PFKL: variants seen among roughly 807,000 people sequenced by gnomAD.
PFKL encodes ATP-dependent 6-phosphofructokinase, liver type.
Under a neutral mutation model 92.1 loss-of-function variants are expected in PFKL, and 74 were observed. The observed-to-expected ratio is 0.80, with a 90% CI of 0.67 to 0.97. PFKL has a LOEUF of 0.97. PFKL is among the 50% of genes least tolerant of loss of function. PFKL has a pLI of 0.00. For synonymous variants in PFKL, 494 were observed against 456.4 expected (o/e 1.08, Z -1.05); for missense variants, 1,028 against 1,116.6 (o/e 0.92, Z 1.13).
intron 12 of PFKL, 80 bp downstream of exon 12, chr21:44,320,227 G>GGCCT: frequency 7.7e-7 from 1 of 1,298,680 alleles, no homozygotes; most frequent in Non-Finnish European, 1.1e-6. Flanking sequence ...CCCGTGGCTG[G>GGCCT]GCCTGCCTGC....
rs376635305 is a variant in PFKL, at chr21:44,318,485, A to C, written c.952A>C (p.Met318Leu). The change falls in exon 10 of 22, where the codon ATG (methionine) becomes CTG (leucine). Residue 318 changes from methionine to leucine, a missense_variant. Coordinates refer to ENST00000349048, the MANE Select transcript of PFKL (RefSeq NM_002626.6). ...TTCCCCACAGAGCAGCAAGATGGGCATGGAGGCGGTGATGGCGCTGCTGGA... is the reference window on the plus strand; with the variant it reads ...TTCCCCACAGAGCAGCAAGATGGGCCTGGAGGCGGTGATGGCGCTGCTGGA... Reference protein sequence around the residue: ...FDRILSSKMGMEAVMALLEAT... With the variant: ...FDRILSSKMGLEAVMALLEAT... The C allele has an allele frequency of 1.2e-5, 19 of 1,561,380 alleles. No individual in the cohort carries two copies. In the African/African-American group the frequency reaches 1.8e-4, roughly 15 times the overall value.
At chr21:44,321,913 C>G in intron 13 of PFKL, 38 bp downstream of exon 13, 12 of 1,513,274 alleles carry the variant, frequency 7.9e-6, no homozygotes, top group Non-Finnish European at 1.1e-5. Flanking sequence ...GGACTTGGGC[C>G]TTCTGTGTGC....
chr21:44,305,553 A>G, intron 1 of PFKL: 1 of 867,070 alleles, frequency 1.2e-6, no homozygotes, highest in South Asian at 1.6e-5. Flanking sequence ...GGAGGCAGGA[A>G]GAGCAGGGCT....
At chr21:44,325,104 G>A (rs1476222978) in intron 18 of PFKL, 49 bp from the exon 19 acceptor site, 4 of 1,376,090 alleles carry the variant, frequency 2.9e-6, no homozygotes, top group Non-Finnish European at 4.1e-6. Context: ...AGGATCGGGG[G>A]GAGACCTGAA....
At chr21:44,324,777 T>A in intron 17 of PFKL, 79 bp from the exon 18 acceptor site, 3 of 1,581,916 alleles carry the variant, frequency 1.9e-6, no homozygotes, top group Non-Finnish European at 2.6e-6. Context: ...CCAGTGCTCC[T>A]GCTGGCCCCG....
intron 18 of PFKL, 102 bp from the exon 19 acceptor site, chr21:44,325,051 G>T (rs2047463046): frequency 1.7e-6 from 2 of 1,189,392 alleles, no homozygotes; most frequent in South Asian, 1.3e-5. Flanking sequence ...GGCTTTCCTG[G>T]GAGCTGCCAC....
intron 7 of PFKL, chr21:44,315,895 C>T (rs1262723957): frequency 1.1e-5 from 4 of 348,300 alleles, no homozygotes; most frequent in East Asian, 7.2e-5. Flanking sequence ...AGCTGCAGCC[C>T]TGTGCGTCTT....
At chr21:44,324,406 AG>A (rs779736306) in intron 16 of PFKL, 84 bp from the exon 17 acceptor site, 1 of 1,417,172 alleles carries the variant, frequency 7.1e-7, no homozygotes, top group Non-Finnish European at 9.8e-7. Flanking sequence ...TTGGAGACAC[AG>A]GGCTCCCTGC....
At chr21:44,306,836 A>G (rs1225786229) in intron 2 of PFKL, 82 bp downstream of exon 2, 12 of 1,250,070 alleles carry the variant, frequency 9.6e-6, no homozygotes, top group Non-Finnish European at 1.4e-5. Context: ...TGTGGGTCAC[A>G]CTGGGAGACG....
chr21:44,305,444 C>T (rs2040906361), intron 1 of PFKL: 1 of 1,317,914 alleles, frequency 7.6e-7, no homozygotes, highest in Middle Eastern at 2.2e-4. Flanking sequence ...TCTGCAAGTA[C>T]AGGGGGGTGG....
At chr21:44,322,882 A>G (rs1568968515) in intron 14 of PFKL, 80 bp from the exon 15 acceptor site, 1 of 1,018,306 alleles carries the variant, frequency 9.8e-7, no homozygotes, top group Non-Finnish European at 1.5e-6. Flanking sequence ...GGCCAAGGCA[A>G]TGCCTTTCTG....
At chr21:44,321,533 G>T in intron 12 of PFKL, 196 bp from the exon 13 acceptor site, 1 of 488,434 alleles carries the variant, frequency 2.0e-6, no homozygotes, top group Non-Finnish European at 3.5e-6. Flanking sequence ...TGTCTCTTTT[G>T]GTCTTCACCA....
intron 1 of PFKL, chr21:44,305,696 G>A (rs566815528): frequency 8.5e-7 from 1 of 1,172,014 alleles, no homozygotes; most frequent in Non-Finnish European, 1.1e-6. Flanking sequence ...TTTGTATGAA[G>A]TCATGGATAT....
In PFKL at chr21:44,326,253, C is replaced by T. The variant is rs2146034998; in HGVS notation, c.2184C>T (p.Asp728=). The T allele has an allele frequency of 6.2e-7, 1 of 1,610,202 alleles. No homozygotes were observed. Among genetic ancestry groups the T allele is most frequent in the Non-Finnish European group, 8.5e-7 (1 of 1,177,608 alleles). ...AFSPVTELKK[D]TDFEHRMPRE... The stretch of plus-strand genomic sequence containing the variant: ...GCCCCGTCACTGAGCTCAAGAAAGA[C>T]ACTGATTTCGAGTGAGTTCCACCAA... Residue 728 remains aspartate (D), a synonymous_variant, in exon 21 of 22, where the codon GAC becomes GAT. Transcript: ENST00000349048.
At chr21:44,323,648 G>A in intron 15 of PFKL, 118 bp from the exon 16 acceptor site, 2 of 1,131,974 alleles carry the variant, frequency 1.8e-6, no homozygotes, top group South Asian at 1.5e-5. Context: ...CTGGCGTCCA[G>A]CACGGGGCAC....
In PFKL at chr21:44,312,983, A is replaced by G. The variant is rs201211092; in HGVS notation, c.433A>G (p.Ile145Val). The G allele has an allele frequency of 2.9e-5, 47 of 1,612,626 alleles. No individual in the cohort carries two copies. Among genetic ancestry groups the G allele is most frequent in the Non-Finnish European group, 4.0e-5 (47 of 1,179,808 alleles). The change falls in exon 5 of 22, where the codon ATC becomes GTC. Residue 145 changes from isoleucine to valine, a missense_variant. Physicochemically the swap from Ile to Val is conservative, Grantham distance 29 (BLOSUM62 3). Coordinates refer to ENST00000349048, the MANE Select transcript of PFKL (RefSeq NM_002626.6). ...LLEELVAEGK[I>V]SETTARTYSH... Reference sequence around the variant, plus strand: ...TCCTGCTGCTCCTGGCCCAGGTAAGATCTCAGAGACTACAGCCCGGACCTA... The same window carrying G: ...TCCTGCTGCTCCTGGCCCAGGTAAGGTCTCAGAGACTACAGCCCGGACCTA...
Position 44,321,767 on chromosome 21 carries a change from G to A in PFKL, c.1230G>A (p.Pro410=), listed in dbSNP as rs377612487. ...FSLAILNVGA[P]AAGMNAAVRS... is the part of the protein sequence containing the mutation. ...TGGCCATCCTGAATGTGGGGGCCCCGGCGGCTGGCATGAATGCGGCCGTGC... is the reference window on the plus strand; with the variant it reads ...TGGCCATCCTGAATGTGGGGGCCCCAGCGGCTGGCATGAATGCGGCCGTGC... The change falls in exon 13 of 22, where the codon CCG becomes CCA. Residue 410 remains proline, a synonymous_variant. Coordinates refer to ENST00000349048, the MANE Select transcript of PFKL (RefSeq NM_002626.6). The A allele has an allele frequency of 6.1e-5, 97 of 1,595,460 alleles. No individual in the cohort carries two copies. The Middle Eastern group carries it at 2.0e-3, about 33-fold the overall frequency.
rs766587044 is a variant in PFKL at position 44,313,026 on chromosome 21, C to T, written c.476C>T (p.Ala159Val). The change falls in exon 5 of 22, where the codon GCG becomes GTG. Residue 159 changes from alanine to valine, a missense_variant. Coordinates refer to ENST00000349048, the MANE Select transcript of PFKL (RefSeq NM_002626.6). ...TARTYSHLNI[A>V]GLVGSIDNDF... ...CGGACCTACTCGCACCTGAACATCGCGGGCCTAGTGGGCTCCATCGATAAC... is the reference window on the plus strand; with the variant it reads ...CGGACCTACTCGCACCTGAACATCGTGGGCCTAGTGGGCTCCATCGATAAC... 5.1e-5 allele frequency: 82 copies of T among 1,613,034 alleles called. No homozygotes were observed. Among genetic ancestry groups the T allele is most frequent in the Admixed American group, 1.0e-4 (6 of 60,006 alleles).
chr21:44,323,961 G>A, intron 16 of PFKL, 43 bp downstream of exon 16: 1 of 1,608,472 alleles, frequency 6.2e-7, no homozygotes, highest in Non-Finnish European at 8.5e-7. Context: ...CCAGGCCCTT[G>A]TGGGGTGGGG....
Sources: allele counts gnomAD v4.1 joint callset, GRCh38; gene constraint gnomAD v4.1.1; transcripts MANE v1.5; gene names NCBI Gene and HGNC (gene_info 2026-07-23, HGNC 2026-07-21).